The following SPATA7 variants were observed in gnomAD, a reference collection of about 807,000 sequenced individuals.
The protein encoded by SPATA7 is spermatogenesis-associated protein 7.
In SPATA7, 43 loss-of-function variants were observed where a neutral mutation model predicts 51.8. The ratio of observed to expected loss-of-function variants is 0.83; its 90% CI spans 0.65 to 1.07. The LOEUF is 1.07. Ranked by LOEUF, SPATA7 falls within the 50% of genes least tolerant of loss-of-function variation. The pLI is 0.00. For synonymous variants in SPATA7, 230 were observed against 252.8 expected (o/e 0.91, Z 0.86); for missense variants, 683 against 701.3 (o/e 0.97, Z 0.30).
At chr14:88,445,338 A>G (rs2077204229) in intron 3 of SPATA7, among the ~76,000 whole-genome samples, 1 of 151,648 alleles carries the variant, frequency 6.6e-6, no homozygotes, top group African/African-American at 2.4e-5. Context: ...TTGATTTTGT[A>G]TCCAGAGACT....
chr14:88,437,807 T>C, intron 11 of SPATA7, 31 bp from the exon 12 acceptor site: 1 of 1,558,280 alleles, frequency 6.4e-7, no homozygotes, highest in South Asian at 1.2e-5. Flanking sequence ...ACTCAATTAA[T>C]GTAATTAGTC....
intron 4 of SPATA7, among the ~76,000 whole-genome samples, chr14:88,415,675 A>G (rs926446077): frequency 3.3e-5 from 5 of 151,770 alleles, no homozygotes; most frequent in Non-Finnish European, 7.4e-5. Flanking sequence ...TTGATTGCGT[A>G]TTTGCTTTAT....
chr14:88,448,938 C>G (rs1392404838), intron 3 of SPATA7, among the ~76,000 whole-genome samples: 2 of 152,166 alleles, frequency 1.3e-5, no homozygotes, highest in Non-Finnish European at 2.9e-5. Flanking sequence ...AATTGAGTTT[C>G]TTTGGATCTT....
At chr14:88,408,508 C>T (rs151033023) in intron 4 of SPATA7, among the ~76,000 whole-genome samples, 1 of 152,250 alleles carries the variant, frequency 6.6e-6, no homozygotes, top group African/African-American at 2.4e-5. Flanking sequence ...AGATTTTGGG[C>T]TGAGATGATG....
In SPATA7 at chr14:88,426,566, A is replaced by C. The variant is rs1178561230; in HGVS notation, c.707A>C (p.Lys236Thr). 1 of 1,614,178 alleles carries C rather than the reference A, an allele frequency of 6.2e-7. No homozygotes were observed. The highest frequency in any genetic ancestry group is 8.5e-7 in the Non-Finnish European group (1 of 1,180,024). The change falls in exon 6 of 12, where the codon AAA (lysine) becomes ACA (threonine). Residue 236 changes from lysine (K) to threonine (T), a missense_variant. Coordinates refer to ENST00000393545, the MANE Select transcript of SPATA7 (RefSeq NM_018418.5). ...AAACATTCTGAACTCTTTTCTAACA[A>C]ACAATTGCCATTCACTCCTCGCACT... ...LDKHSELFSNKQLPFTPRTLK... is the reference protein window; with the variant it reads ...LDKHSELFSNTQLPFTPRTLK...
intron 4 of SPATA7, among the ~76,000 whole-genome samples, chr14:88,463,886 C>T (rs997393258): frequency 2.6e-5 from 4 of 151,868 alleles, no homozygotes; most frequent in African/African-American, 9.7e-5. Flanking sequence ...CTTGCTCTGT[C>T]ACCCAAGCTG....
chr14:88,402,319 A>G (rs186282567), intron 4 of SPATA7, among the ~76,000 whole-genome samples: 1 of 149,254 alleles, frequency 6.7e-6, no homozygotes, highest in East Asian at 2.0e-4. Context: ...GTGGGACCAC[A>G]AAAGACCACA....
At chr14:88,388,824 A>G (rs917154767) in intron 1 of SPATA7, among the ~76,000 whole-genome samples, 1 of 152,222 alleles carries the variant, frequency 6.6e-6, no homozygotes, top group African/African-American at 2.4e-5. Context: ...ACAATTTGAA[A>G]GAGAGTTTCT....
intron 4 of SPATA7, among the ~76,000 whole-genome samples, chr14:88,401,537 TAGAA>T (rs985521257): frequency 3.3e-5 from 5 of 151,780 alleles, no homozygotes; most frequent in Non-Finnish European, 7.4e-5. Context: ...GCATACGAAT[TAGAA>T]AGAAAGCAGT....
intron 3 of SPATA7, among the ~76,000 whole-genome samples, chr14:88,452,654 C>T (rs1250783888): frequency 6.6e-6 from 1 of 152,148 alleles, no homozygotes; most frequent in Non-Finnish European, 1.5e-5. Context: ...GCTGCTCTGT[C>T]CATCTGAGTG....
rs893596059 is a variant in SPATA7 at position 88,385,661 on chromosome 14, G to T, written c.-158G>T. 13 of 743,518 alleles carry T rather than the reference G, an allele frequency of 1.7e-5. No individual in the cohort carries two copies. In the African/African-American group the frequency reaches 2.1e-4, roughly 12 times the overall value. The allele number at this position is 743,518 out of a possible 1,614,324, so 46.1% of individuals were successfully genotyped here. A position where few individuals can be genotyped will look rare whatever the true frequency, so the allele number is the denominator to read the frequency against. Reference sequence around the variant, plus strand: ...GTGACGTCACAATAGCGACTCACTGGACCCAGCCCTTAGCAACGGCCTGGC... The same window carrying T: ...GTGACGTCACAATAGCGACTCACTGTACCCAGCCCTTAGCAACGGCCTGGC... On this transcript the variant is annotated 5_prime_UTR_variant, in exon 1 of 12. Coordinates refer to ENST00000393545, the MANE Select transcript of SPATA7 (RefSeq NM_018418.5).
intron 9 of SPATA7, among the ~76,000 whole-genome samples, chr14:88,432,446 A>G (rs894635497): frequency 1.3e-5 from 2 of 152,196 alleles, no homozygotes; most frequent in African/African-American, 4.8e-5. Context: ...CAGCTAATTA[A>G]AATCAAACGT....
At chr14:88,416,496 A>G (rs907220752) in intron 4 of SPATA7, 6 of 376,292 alleles carry the variant, frequency 1.6e-5, no homozygotes, top group African/African-American at 6.7e-5. Context: ...TAGAATTTCT[A>G]TAAATTAAAT....
intron 3 of SPATA7, among the ~76,000 whole-genome samples, chr14:88,452,529 C>T (rs148782868): frequency 2.4e-4 from 36 of 152,276 alleles, no homozygotes; most frequent in South Asian, 1.0e-3. Flanking sequence ...TTCTGCTGTC[C>T]CGCAGAGCCT....
intron 4 of SPATA7, among the ~76,000 whole-genome samples, chr14:88,399,516 C>CT (rs942267475): frequency 2.6e-5 from 4 of 152,172 alleles, no homozygotes; most frequent in South Asian, 2.1e-4. Flanking sequence ...TCTGACCTTC[C>CT]TTTTTTGTGA....
intron 3 of SPATA7, among the ~76,000 whole-genome samples, chr14:88,449,165 A>G (rs138380036): frequency 5.5e-4 from 83 of 151,928 alleles, no homozygotes; most frequent in South Asian, 2.3e-3. Context: ...TAGATTGTCT[A>G]TTTGTACTCT....
intron 4 of SPATA7, chr14:88,467,886 C>T (rs958974664): frequency 1.5e-5 from 8 of 522,078 alleles, no homozygotes; most frequent in African/African-American, 3.9e-5. Flanking sequence ...TACTGCAAAC[C>T]GGACAGACCG....
At chr14:88,398,184 G>A (rs1225548813) in intron 4 of SPATA7, among the ~76,000 whole-genome samples, 1 of 151,974 alleles carries the variant, frequency 6.6e-6, no homozygotes, top group Non-Finnish European at 1.5e-5. Flanking sequence ...TTATACGTAT[G>A]TTTATTGCAG....
intron 4 of SPATA7, among the ~76,000 whole-genome samples, chr14:88,414,476 G>A (rs980974168): frequency 6.6e-6 from 1 of 151,924 alleles, no homozygotes; most frequent in African/African-American, 2.4e-5. Context: ...CTAACAGTCT[G>A]TTGATCTGTT....
Sources: gnomAD v4.1 joint callset for allele counts (sites outside exome capture counted in the v4.1 genomes callset) on GRCh38, gnomAD v4.1.1 for gene constraint, MANE v1.5 for transcripts, NCBI Gene and HGNC (gene_info 2026-07-23, HGNC 2026-07-21) for gene names.